Variants in CACNA1D observed in about 807,000 individuals in gnomAD.
CACNA1D encodes the protein voltage-dependent L-type calcium channel subunit alpha-1D.
CACNA1D carries 55 observed loss-of-function variants against 257.1 expected under a neutral mutation model. The observed-to-expected ratio is 0.21, with a 90% CI of 0.17 to 0.27. The LOEUF is 0.27. Among genes scored for constraint, CACNA1D ranks in the 10% least tolerant of loss-of-function variants. The pLI, the probability that CACNA1D is intolerant of heterozygous loss-of-function variation, is 1.00. For synonymous variants in CACNA1D, 980 were observed against 1,014.9 expected (o/e 0.97, Z 0.65); for missense variants, 1,876 against 2,784.0 (o/e 0.67, Z 7.34).
intron 14 of CACNA1D, among the ~76,000 whole-genome samples, chr3:53,725,378 G>C (rs1009517392): frequency 6.6e-6 from 1 of 152,148 alleles, no homozygotes; most frequent in African/African-American, 2.4e-5. Flanking sequence ...AGTTCTGTCT[G>C]GTCTTAGCCC....
chr3:53,664,963 C>T (rs1324408543), intron 5 of CACNA1D, among the ~76,000 whole-genome samples: 1 of 152,152 alleles, frequency 6.6e-6, no homozygotes, highest in South Asian at 2.1e-4. Flanking sequence ...TGCAAGACTG[C>T]ATTCTTCTAA....
intron 3 of CACNA1D, among the ~76,000 whole-genome samples, chr3:53,521,339 G>A (rs1261521091): frequency 1.3e-5 from 2 of 152,138 alleles, no homozygotes; most frequent in Admixed American, 1.3e-4. Flanking sequence ...ACTCACTGCT[G>A]GCCTCTTCAA....
rs764065618 is a variant in CACNA1D, at chr3:53,809,733, A to G, written c.5872-245A>G. On this transcript the variant is annotated intron_variant, in intron 46 of 47. Transcript: ENST00000350061. The stretch of plus-strand genomic sequence containing the variant: ...GCAATTTCATGAATTAGCAACTGAT[A>G]CCTCCTTGGGAAAAGCCAAAGGAAA... 197 of 563,636 alleles carry G rather than the reference A, an allele frequency of 3.5e-4. 1 individual carries two copies. Among genetic ancestry groups the G allele is most frequent in the Non-Finnish European group, 1.1e-4 (33 of 313,302 alleles). The allele number at this position is 563,636 out of a possible 1,614,324, so 34.9% of individuals were successfully genotyped here.
intron 4 of CACNA1D, among the ~76,000 whole-genome samples, chr3:53,655,060 C>T (rs1038776204): frequency 3.9e-5 from 6 of 152,090 alleles, no homozygotes; most frequent in East Asian, 1.9e-4. Flanking sequence ...TAAGTGAGAA[C>T]GTGTGGTATT....
chr3:53,673,655 TG>T lies in CACNA1D; in HGVS notation c.1220+533del, dbSNP rs2094346860. 8.5e-6 allele frequency: 11 copies of T among 1,295,000 alleles called. No individual in the cohort carries two copies. The highest frequency in any genetic ancestry group is 1.1e-5 in the Non-Finnish European group (10 of 888,888). The allele number at this position is 1,295,000 out of a possible 1,614,324, so 80.2% of individuals were successfully genotyped here. On this transcript the variant is annotated intron_variant, in intron 8 of 47. Coordinates refer to ENST00000350061, the MANE Select transcript of CACNA1D (RefSeq NM_001128840.3). This position sits in a 1 kb window ranked among gnomAD's most constrained non-coding sequence, Gnocchi z 4.1. ...CACTGAGAGGTTTGGCAGCTGCAAC[TG>T]GGGCTCTGCTCTTTAGTAAATGGAT...
At chr3:53,654,121 C>T (rs2094125675) in intron 4 of CACNA1D, among the ~76,000 whole-genome samples, 1 of 152,026 alleles carries the variant, frequency 6.6e-6, no homozygotes, top group African/African-American at 2.4e-5. Context: ...GAATTCATGA[C>T]TAATAGACCT....
chr3:53,534,163 G>A (rs2092040301), intron 3 of CACNA1D, among the ~76,000 whole-genome samples: 1 of 152,110 alleles, frequency 6.6e-6, no homozygotes, highest in Non-Finnish European at 1.5e-5. Flanking sequence ...AAGTGTCTGG[G>A]GCCCTCAGCC....
intron 30 of CACNA1D, chr3:53,766,059 CATT>C (rs1325785988): frequency 2.6e-5 from 4 of 152,216 alleles, no homozygotes; most frequent in African/African-American, 7.2e-5. Flanking sequence ...TTCTCATTAT[CATT>C]AGTGTCTGGG....
At chr3:53,699,127 A>G (rs372688676) in intron 8 of CACNA1D, among the ~76,000 whole-genome samples, 1 of 152,038 alleles carries the variant, frequency 6.6e-6, no homozygotes, top group East Asian at 1.9e-4. Flanking sequence ...TTGTGATGGG[A>G]ATGGGTTATT....
chr3:53,666,288 T>C, intron 6 of CACNA1D, 51 bp from the exon 7 acceptor site: 1 of 1,567,318 alleles, frequency 6.4e-7, no homozygotes, highest in Non-Finnish European at 8.8e-7. Context: ...CTGGCTTGGA[T>C]TTCCTGATGT....
Position 53,648,315 on chromosome 3 carries a change from A to G in CACNA1D, c.484-2464A>G, listed in dbSNP as rs554262727. ...CTCTTAAGTCTCAAACATATTGACA[A>G]TCTGCCTTTGGTGGTCAGGGTCTGA... On this transcript the variant is annotated intron_variant, in intron 3 of 47. Transcript: ENST00000350061. Among the ~76,000 whole-genome samples the G allele has an allele frequency of 4.4e-4, 67 of 152,302 alleles. 1 individual carries two copies. Among genetic ancestry groups the G allele is most frequent in the African/African-American group, 1.5e-3 (62 of 41,562 alleles).
At chr3:53,546,181 G>A (rs530028420) in intron 3 of CACNA1D, among the ~76,000 whole-genome samples, 55 of 152,278 alleles carry the variant, frequency 3.6e-4, no homozygotes, top group African/African-American at 1.0e-3. Context: ...GGCCGTCGCC[G>A]TGTCAGCTGA....
At chr3:53,750,896 G>A (rs2095219788) in intron 27 of CACNA1D, among the ~76,000 whole-genome samples, 1 of 152,198 alleles carries the variant, frequency 6.6e-6, no homozygotes, top group South Asian at 2.1e-4. Flanking sequence ...TGGGCCTGCT[G>A]CAGAGGGTGG....
intron 3 of CACNA1D, among the ~76,000 whole-genome samples, chr3:53,563,210 G>T (rs984726911): frequency 1.3e-5 from 2 of 151,990 alleles, no homozygotes; most frequent in Non-Finnish European, 2.9e-5. Context: ...CCTCCCACAG[G>T]GATGACCACT....
intron 46 of CACNA1D, 197 bp downstream of exon 46, chr3:53,808,967 G>T: frequency 1.6e-6 from 1 of 624,990 alleles, no homozygotes; most frequent in South Asian, 2.0e-5. Context: ...TCACACAAGT[G>T]ACTGCTGGCA....
At chr3:53,799,577 C>A (rs79626843) in intron 40 of CACNA1D, among the ~76,000 whole-genome samples, 2 of 152,316 alleles carry the variant, frequency 1.3e-5, no homozygotes, top group South Asian at 4.1e-4. Flanking sequence ...AAAAAGCGGA[C>A]CCCCTGTTGG....
intron 46 of CACNA1D, 93 bp from the exon 47 acceptor site, chr3:53,809,885 G>A (rs576483271): frequency 3.4e-5 from 40 of 1,175,690 alleles, no homozygotes; most frequent in South Asian, 3.1e-4. Flanking sequence ...TGCCCCTGGC[G>A]AGCGCAGCGC....
chr3:53,776,575 G>A (rs760577410), intron 35 of CACNA1D, 28 bp from the exon 36 acceptor site: 4 of 1,614,072 alleles, frequency 2.5e-6, no homozygotes, highest in Non-Finnish European at 3.4e-6. Context: ...TGCAGCTGAA[G>A]TTCTTCCTTT....
chr3:53,723,406 G>A lies in CACNA1D; in HGVS notation c.1667-28G>A. The A allele has an allele frequency of 6.4e-7, 1 of 1,571,666 alleles. No homozygotes were observed. Among genetic ancestry groups the A allele is most frequent in the Non-Finnish European group, 8.8e-7 (1 of 1,141,244 alleles). ...GTCTGAGTGTCTTGCAGGAGACCCT[G>A]AGGATGGGTGCCCCTTTGTCTTTCC... On this transcript the variant is annotated intron_variant, in intron 12 of 47. Transcript: ENST00000350061. This position sits in a 1 kb window ranked among gnomAD's most constrained non-coding sequence, Gnocchi z 5.6.
Sources: allele counts gnomAD v4.1 joint callset (sites outside exome capture counted in the v4.1 genomes callset), GRCh38; gene constraint gnomAD v4.1.1; non-coding constraint Gnocchi (gnomAD v3.1); transcripts MANE v1.5; gene names NCBI Gene and HGNC (gene_info 2026-07-23, HGNC 2026-07-21).